The following CNTNAP5 variants were observed in gnomAD, a reference collection of about 807,000 sequenced individuals.
CNTNAP5 encodes contactin associated protein family member 5, also known as contactin-associated protein-like 5.
A neutral mutation model predicts 150.2 loss-of-function variants in CNTNAP5; 72 were observed. The observed-to-expected ratio is 0.48, with a 90% CI of 0.40 to 0.58. The LOEUF is 0.58. Ranked by LOEUF, CNTNAP5 falls within the 20% of genes least tolerant of loss-of-function variation. The pLI, the probability that CNTNAP5 is intolerant of heterozygous loss-of-function variation, is 0.00. For synonymous variants in CNTNAP5, 672 were observed against 619.8 expected, an observed-to-expected ratio of 1.08 and a Z score of -1.25; for missense variants, 1,636 against 1,626.2, an observed-to-expected ratio of 1.01 and a Z score of -0.10.
At chr2:124,235,936 CCCACTTATTTAT>C (rs1408939739) in intron 2 of CNTNAP5, among the ~76,000 whole-genome samples, 1 of 135,602 alleles carries the variant, frequency 7.4e-6, no homozygotes, top group African/African-American at 3.2e-5. Context: ...TTGGCAAGTT[CCCACTTATTTAT>C]TTATTTATTT....
At chr2:124,702,899 A>G (rs1679552398) in intron 13 of CNTNAP5, among the ~76,000 whole-genome samples, 1 of 152,092 alleles carries the variant, frequency 6.6e-6, no homozygotes, top group Non-Finnish European at 1.5e-5. Context: ...AAAAAGTACT[A>G]TTTTAAGACC....
chr2:124,790,990 T>C (rs1681714482), intron 18 of CNTNAP5, among the ~76,000 whole-genome samples: 1 of 152,238 alleles, frequency 6.6e-6, no homozygotes, highest in Non-Finnish European at 1.5e-5. Context: ...CAGTAAATAA[T>C]GTAAACAATA....
intron 3 of CNTNAP5, among the ~76,000 whole-genome samples, chr2:124,348,023 G>C (rs1338828338): frequency 6.6e-6 from 1 of 151,936 alleles, no homozygotes; most frequent in Non-Finnish European, 1.5e-5. Flanking sequence ...GTGGAGACGG[G>C]GTTTCACTGT....
chr2:124,241,394 T>A (rs1434083438), intron 2 of CNTNAP5, among the ~76,000 whole-genome samples: 3 of 152,136 alleles, frequency 2.0e-5, no homozygotes, highest in Non-Finnish European at 2.9e-5. Flanking sequence ...TGTTGTTCCC[T>A]CTTCCCTGGC....
intron 13 of CNTNAP5, among the ~76,000 whole-genome samples, chr2:124,731,175 T>A (rs1573579207): frequency 6.6e-6 from 1 of 152,104 alleles, no homozygotes; most frequent in African/African-American, 2.4e-5. Flanking sequence ...CAGACATACA[T>A]GAATAGAGAA....
chr2:124,093,606 A>C (rs1217656133), intron 1 of CNTNAP5, among the ~76,000 whole-genome samples: 1 of 152,144 alleles, frequency 6.6e-6, no homozygotes, highest in African/African-American at 2.4e-5. Context: ...AGTCATATTA[A>C]AAAATAAAGC....
chr2:124,372,189 C>T (rs991392860), intron 3 of CNTNAP5, among the ~76,000 whole-genome samples: 1 of 152,076 alleles, frequency 6.6e-6, no homozygotes, highest in Admixed American at 6.6e-5. Flanking sequence ...GGACATCAGA[C>T]TCCAGGTTCT....
chr2:124,502,472 C>T (rs1694300285), intron 7 of CNTNAP5, among the ~76,000 whole-genome samples: 1 of 152,292 alleles, frequency 6.6e-6, no homozygotes, highest in East Asian at 1.9e-4. Flanking sequence ...ACCTCCTATG[C>T]CTTTGCCTTC....
chr2:124,854,698 A>AT (rs1227928516), intron 19 of CNTNAP5, among the ~76,000 whole-genome samples: 1 of 152,248 alleles, frequency 6.6e-6, no homozygotes, highest in Non-Finnish European at 1.5e-5. Flanking sequence ...TTAAGATAGC[A>AT]TGTCCCATGT....
chr2:124,081,337 A>G (rs1479823015), intron 1 of CNTNAP5, among the ~76,000 whole-genome samples: 3 of 152,192 alleles, frequency 2.0e-5, no homozygotes, highest in Non-Finnish European at 2.9e-5. Context: ...CTTCAAATGC[A>G]TAGATCTGTG....
intron 7 of CNTNAP5, among the ~76,000 whole-genome samples, chr2:124,480,079 A>G (rs932893946): frequency 2.0e-5 from 3 of 152,216 alleles, no homozygotes; most frequent in African/African-American, 7.2e-5. Flanking sequence ...ATGCAGTCAC[A>G]TACAGTTCCA....
At chr2:124,352,665 T>A (rs540682626) in intron 3 of CNTNAP5, among the ~76,000 whole-genome samples, 1 of 152,056 alleles carries the variant, frequency 6.6e-6, no homozygotes, top group South Asian at 2.1e-4. Context: ...TTTTGCCTCA[T>A]TTTTTTTAGC....
At chr2:124,680,377 A>G (rs894177044) in intron 13 of CNTNAP5, among the ~76,000 whole-genome samples, 2 of 151,910 alleles carry the variant, frequency 1.3e-5, no homozygotes, top group Non-Finnish European at 2.9e-5. Context: ...AGTGAGTACC[A>G]TGTCAAGGAA....
At chr2:124,513,417 G>A (rs375608008) in intron 8 of CNTNAP5, among the ~76,000 whole-genome samples, 13 of 152,248 alleles carry the variant, frequency 8.5e-5, no homozygotes, top group African/African-American at 2.2e-4. Context: ...GCAGGGACAC[G>A]ATTCAGCTCA....
At chr2:124,698,370 G>A (rs1679448794) in intron 13 of CNTNAP5, among the ~76,000 whole-genome samples, 1 of 53,392 alleles carries the variant, frequency 1.9e-5, no homozygotes, top group African/African-American at 7.0e-5. Flanking sequence ...AAGTAGACGA[G>A]AGGATACACA....
chr2:124,173,734 G>A (rs1032247892), intron 1 of CNTNAP5, among the ~76,000 whole-genome samples: 1 of 152,204 alleles, frequency 6.6e-6, no homozygotes, highest in African/African-American at 2.4e-5. Flanking sequence ...TGTAGAATTT[G>A]CAGGGAATTA....
chr2:124,482,760 C>T (rs960024588), intron 7 of CNTNAP5, among the ~76,000 whole-genome samples: 1 of 152,166 alleles, frequency 6.6e-6, no homozygotes, highest in Non-Finnish European at 1.5e-5. Context: ...GCTCCTGTCT[C>T]TGCATCTGGC....
chr2:124,507,621 G>C (rs773219684), intron 8 of CNTNAP5, among the ~76,000 whole-genome samples: 1 of 152,132 alleles, frequency 6.6e-6, no homozygotes, highest in Non-Finnish European at 1.5e-5. Flanking sequence ...GAGAATAAAT[G>C]ACAAATGTTT....
At chr2:124,413,275 T>A (rs1203526621) in intron 3 of CNTNAP5, among the ~76,000 whole-genome samples, 2 of 151,144 alleles carry the variant, frequency 1.3e-5, no homozygotes, top group Non-Finnish European at 3.0e-5. Flanking sequence ...ACTTTTACAC[T>A]GTTGGTGGGA....
Sources: allele counts gnomAD v4.1 joint callset (sites outside exome capture counted in the v4.1 genomes callset), GRCh38; gene constraint gnomAD v4.1.1; transcripts MANE v1.5; gene names NCBI Gene and HGNC (gene_info 2026-07-23, HGNC 2026-07-21).